The following NEBL variants were observed in gnomAD, a reference collection of about 807,000 sequenced individuals.
NEBL encodes the protein LIM and SH3 protein 2.
In NEBL, 122 loss-of-function variants were observed where a neutral mutation model predicts 140.2. The ratio of observed to expected loss-of-function variants is 0.87; its 90% CI spans 0.75 to 1.01. NEBL has a LOEUF of 1.01. Among genes scored for constraint, NEBL ranks in the 50% least tolerant of loss-of-function variants. NEBL has a pLI of 0.00. For synonymous variants in NEBL, 436 were observed against 398.9 expected, an observed-to-expected ratio of 1.09 and a Z score of -1.11; for missense variants, 1,365 against 1,231.3, an observed-to-expected ratio of 1.11 and a Z score of -1.62.
intron 2 of NEBL, among the ~76,000 whole-genome samples, chr10:21,132,167 A>G (rs1839143082): frequency 6.6e-6 from 1 of 152,206 alleles, no homozygotes; most frequent in Non-Finnish European, 1.5e-5. Context: ...ACCTCTGGTA[A>G]CTGCTAACCT....
chr10:20,888,067 A>C (rs778129224), intron 4 of NEBL, 30 bp downstream of exon 4: 1 of 1,446,856 alleles, frequency 6.9e-7, no homozygotes, highest in Non-Finnish European at 9.7e-7. Context: ...TTTATCTACA[A>C]AATCATGAAA....
chr10:20,853,665 A>G (rs1842762387), intron 9 of NEBL, among the ~76,000 whole-genome samples: 1 of 152,172 alleles, frequency 6.6e-6, no homozygotes. Flanking sequence ...ACATGCACCT[A>G]TAGCCCCAGC....
chr10:20,832,106 T>C (rs1162438420), intron 14 of NEBL, among the ~76,000 whole-genome samples: 1 of 152,158 alleles, frequency 6.6e-6, no homozygotes, highest in African/African-American at 2.4e-5. Flanking sequence ...AATAAATCAT[T>C]ATTCCCTTCA....
chr10:21,094,045 T>C (rs578123853), intron 2 of NEBL, among the ~76,000 whole-genome samples: 1 of 152,330 alleles, frequency 6.6e-6, no homozygotes, highest in East Asian at 1.9e-4. Context: ...AATTTGTTCT[T>C]ATGGGTCCTT....
At chr10:20,914,898 C>T (rs183131201) in intron 4 of NEBL, among the ~76,000 whole-genome samples, 110 of 151,486 alleles carry the variant, frequency 7.3e-4, no homozygotes, top group Middle Eastern at 3.4e-3. Flanking sequence ...CACTCTGTCA[C>T]CCAGGCCGGA....
intron 3 of NEBL, among the ~76,000 whole-genome samples, chr10:21,241,387 G>T (rs575416056): frequency 2.3e-4 from 35 of 152,040 alleles, no homozygotes; most frequent in Non-Finnish European, 4.1e-4. Context: ...TTGCATTCCC[G>T]TTCCAGGCGG....
At chr10:20,876,312 AT>A (rs1447482135) in intron 5 of NEBL, among the ~76,000 whole-genome samples, 3 of 152,162 alleles carry the variant, frequency 2.0e-5, no homozygotes, top group African/African-American at 7.2e-5. Context: ...TCATGATTTA[AT>A]TTTATCACCA....
At chr10:20,957,254 T>C (rs1406048222) in intron 4 of NEBL, among the ~76,000 whole-genome samples, 1 of 152,176 alleles carries the variant, frequency 6.6e-6, no homozygotes, top group African/African-American at 2.4e-5. Flanking sequence ...CCGTGTGAGC[T>C]TATTAATGGG....
intron 3 of NEBL, among the ~76,000 whole-genome samples, chr10:21,218,769 T>C (rs1247530602): frequency 2.0e-5 from 3 of 152,144 alleles, no homozygotes; most frequent in African/African-American, 7.2e-5. Context: ...ACACATGCCA[T>C]TGTAACAAAG....
rs184512447 is a variant in NEBL at position 21,142,065 on chromosome 10, T to A, written c.164+30318A>T. 3.3e-5 allele frequency among the ~76,000 whole-genome samples: 5 copies of A among 152,276 alleles called. No homozygotes were observed. In the South Asian group the frequency reaches 8.3e-4, roughly 25 times the overall value. ...AAGGGTTTTGAATCACTCTCTGTAA[T>A]AGGACAAAAGACCTCATTCAGTGGC... is the stretch of plus-strand genomic sequence containing the variant. On this transcript the variant is annotated intron_variant, in intron 2 of 6. Coordinates refer to the NEBL transcript ENST00000417816.
At chr10:21,044,258 G>T (rs527799716) in intron 2 of NEBL, among the ~76,000 whole-genome samples, 7 of 151,998 alleles carry the variant, frequency 4.6e-5, no homozygotes, top group Non-Finnish European at 8.8e-5. Flanking sequence ...TTAGCTGGGC[G>T]TGGTGGTGGG....
At chr10:20,861,204 G>T (rs549474759) in intron 7 of NEBL, among the ~76,000 whole-genome samples, 1 of 152,230 alleles carries the variant, frequency 6.6e-6, no homozygotes, top group African/African-American at 2.4e-5. Flanking sequence ...TAGTCTTAGA[G>T]TCTCACTCTA....
intron 2 of NEBL, among the ~76,000 whole-genome samples, chr10:21,139,128 G>A (rs953461438): frequency 6.6e-6 from 1 of 152,158 alleles, no homozygotes; most frequent in Admixed American, 6.5e-5. Context: ...GATGTTAAGA[G>A]TCACGGCTGG....
intron 2 of NEBL, among the ~76,000 whole-genome samples, chr10:21,081,106 C>T (rs182367310): frequency 1.3e-5 from 2 of 152,270 alleles, no homozygotes; most frequent in African/African-American, 4.8e-5. Context: ...CCACCCACCT[C>T]GACCTCCCAA....
At chr10:20,987,783 G>C (rs998397357) in intron 3 of NEBL, among the ~76,000 whole-genome samples, 9 of 152,052 alleles carry the variant, frequency 5.9e-5, no homozygotes, top group Admixed American at 3.9e-4. Flanking sequence ...GATTTTCCAG[G>C]GCTCCTTCTG....
At chr10:20,930,303 G>A (rs551507562) in intron 4 of NEBL, among the ~76,000 whole-genome samples, 8 of 151,996 alleles carry the variant, frequency 5.3e-5, no homozygotes, top group South Asian at 2.1e-4. Context: ...CCTTCGACAC[G>A]TTTTATTGGA....
intron 11 of NEBL, 53 bp downstream of exon 11, chr10:20,850,342 T>C: frequency 7.2e-7 from 1 of 1,384,534 alleles, no homozygotes; most frequent in Non-Finnish European, 1.0e-6. Flanking sequence ...TCCTTTCAAA[T>C]GACAAAACAT....
chr10:20,918,013 A>G (rs577543815), intron 4 of NEBL, among the ~76,000 whole-genome samples: 1 of 152,342 alleles, frequency 6.6e-6, no homozygotes, highest in South Asian at 2.1e-4. Flanking sequence ...GCATGACACA[A>G]TGAAAATAGT....
upstream of NEBL, among the ~76,000 whole-genome samples, chr10:20,900,616 G>C (rs2131427110): frequency 6.6e-6 from 1 of 150,714 alleles, no homozygotes; most frequent in South Asian, 2.1e-4. Context: ...TTGAGCTCAG[G>C]AGTTCGAGAC....
Sources: allele counts gnomAD v4.1 joint callset (sites outside exome capture counted in the v4.1 genomes callset), GRCh38; gene constraint gnomAD v4.1.1; transcripts MANE v1.5; gene names NCBI Gene and HGNC (gene_info 2026-07-23, HGNC 2026-07-21).